ATL2: variants seen among roughly 807,000 people sequenced by gnomAD.
ATL2 encodes the protein atlastin-2.
A neutral mutation model predicts 73.9 loss-of-function variants in ATL2; 31 were observed. The ratio of observed to expected loss-of-function variants is 0.42; its 90% confidence interval spans 0.32 to 0.57. The LOEUF is 0.57. Ranked by LOEUF, ATL2 falls within the 20% of genes least tolerant of loss-of-function variation. The probability of loss-of-function intolerance (pLI) is 0.14; values close to 1 mark genes in which losing one functional copy is unlikely to be tolerated. For missense variants in ATL2, 738 were observed against 702.6 expected, an observed-to-expected ratio of 1.05 and a Z score of -0.57; for synonymous variants, 291 against 237.5, an observed-to-expected ratio of 1.23 and a Z score of -2.07.
intron 5 of ATL2, among the ~76,000 whole-genome samples, chr2:38,314,991 C>T (rs540353553): frequency 1.3e-5 from 2 of 152,318 alleles, no homozygotes; most frequent in African/African-American, 2.4e-5. Flanking sequence ...CGGCTCACGC[C>T]GGGTAATCCC....
At chr2:38,318,735 C>A in intron 3 of ATL2, 96 bp from the exon 4 acceptor site, 2 of 1,326,588 alleles carry the variant, frequency 1.5e-6, no homozygotes, top group Non-Finnish European at 2.1e-6. Context: ...GTAATTAAAT[C>A]AAGAAAAGTA....
rs1285492902 is a variant in ATL2, at chr2:38,325,623, TACATACACAC to T, written c.364-6614_364-6605del. ...TAACCACTATCTACACACACACCAG[TACATACACAC>T]ACACACACACACACACACACACACC... On this transcript the variant is annotated intron_variant, in intron 2 of 12. Transcript: ENST00000378954. 2.0e-4 allele frequency among the ~76,000 whole-genome samples: 19 copies of T among 93,406 alleles called. 1 individual carries two copies. The highest frequency in any genetic ancestry group is 1.1e-3 in the South Asian group (3 of 2,834). The allele number at this position is 93,406 out of a possible 152,430, so 61.3% of individuals were successfully genotyped here.
At chr2:38,347,813 C>A (rs1373064527) in intron 1 of ATL2, among the ~76,000 whole-genome samples, 1 of 145,066 alleles carries the variant, frequency 6.9e-6, no homozygotes, top group African/African-American at 2.6e-5. Flanking sequence ...GTCACCCAGG[C>A]TGGAGTGCAG....
intron 10 of ATL2, 60 bp downstream of exon 10, chr2:38,300,212 T>C: frequency 7.1e-7 from 1 of 1,406,538 alleles, no homozygotes; most frequent in Non-Finnish European, 9.8e-7. Context: ...AAAGCAAAGA[T>C]TTTTATTCTC....
At position 38,313,253 on chromosome 2, in the gene ATL2, GA is replaced by G; in HGVS notation, c.712-11del. 1 of 1,563,616 alleles carries G rather than the reference GA, an allele frequency of 6.4e-7. No individual in the cohort carries two copies. Among genetic ancestry groups the G allele is most frequent in the Non-Finnish European group, 8.7e-7 (1 of 1,153,876 alleles). On this transcript the variant is annotated splice_polypyrimidine_tract_variant and intron_variant, in intron 6 of 12. Coordinates refer to ENST00000378954, the MANE Select transcript of ATL2 (RefSeq NM_001135673.4). ...TCAAAAACATTAATGTCTATACACA[GA>G]AAAAATAAAAATTGTTTATTTTACA...
At chr2:38,339,545 T>A (rs906635126) in intron 2 of ATL2, among the ~76,000 whole-genome samples, 5 of 152,084 alleles carry the variant, frequency 3.3e-5, no homozygotes, top group Non-Finnish European at 7.4e-5. Context: ...TAAAAAAATA[T>A]GACCTCTAAT....
chr2:38,299,173 A>T, intron 11 of ATL2, 83 bp downstream of exon 11: 11 of 1,312,278 alleles, frequency 8.4e-6, no homozygotes, highest in Non-Finnish European at 1.1e-5. Flanking sequence ...TCGCTCAATT[A>T]TTTAAAAAAT....
intron 9 of ATL2, among the ~76,000 whole-genome samples, chr2:38,301,629 C>T (rs529861937): frequency 6.6e-6 from 1 of 152,200 alleles, no homozygotes; most frequent in African/African-American, 2.4e-5. Flanking sequence ...CGCTGCCCTG[C>T]CACAGTGGAA....
intron 2 of ATL2, among the ~76,000 whole-genome samples, chr2:38,334,277 G>C (rs957130904): frequency 3.3e-5 from 5 of 151,706 alleles, no homozygotes; most frequent in Admixed American, 2.0e-4. Context: ...CAGTCGACTT[G>C]CCTCGGCCTC....
chr2:38,352,490 G>A (rs1182447998), intron 1 of ATL2, among the ~76,000 whole-genome samples: 1 of 152,164 alleles, frequency 6.6e-6, no homozygotes, highest in Non-Finnish European at 1.5e-5. Flanking sequence ...ATTCAAGATT[G>A]CTAGAGCAGT....
At chr2:38,376,159 T>C (rs960546351) in intron 1 of ATL2, 15 of 1,531,998 alleles carry the variant, frequency 9.8e-6, no homozygotes, top group African/African-American at 9.7e-5. Flanking sequence ...GAAAAAACTT[T>C]ATGCCTTTCT....
rs1667850606 is a variant in ATL2 at position 38,313,177 on chromosome 2, T to C, written c.778A>G (p.Lys260Glu). ...TGTAATCTCTTTTCAAGAAATTGCTTTCCACCTTCCAAACCATATGAATGT... is the reference window on the plus strand; with the variant it reads ...TGTAATCTCTTTTCAAGAAATTGCTCTCCACCTTCCAAACCATATGAATGT... ...YEHSYGLEGG[K>E]QFLEKRLQVK... The change falls in exon 7 of 13, where the codon AAG becomes GAG. Residue 260 changes from lysine to glutamate, a missense_variant. Physicochemically the swap from Lys to Glu is moderately conservative, Grantham distance 56. Transcript: ENST00000378954. 4 of 1,613,444 alleles carry C rather than the reference T, an allele frequency of 2.5e-6. No individual in the cohort carries two copies. The South Asian group carries it at 3.3e-5, about 13-fold the overall frequency.
rs546581854 is a variant in ATL2, at chr2:38,344,562, A to T, written c.119-1050T>A. On this transcript the variant is annotated intron_variant, in intron 1 of 12. Coordinates refer to ENST00000378954, the MANE Select transcript of ATL2 (RefSeq NM_001135673.4). The stretch of plus-strand genomic sequence containing the variant: ...GAGGCAGAGGTTGCAGTGAGCTGAG[A>T]TTGCACCACTGCATTCCAGCCTGGG... Among the ~76,000 whole-genome samples, 38 of 152,300 alleles carry T rather than the reference A, an allele frequency of 2.5e-4. No individual in the cohort carries two copies. In the South Asian group the frequency reaches 7.5e-3, roughly 30 times the overall value.
intron 1 of ATL2, among the ~76,000 whole-genome samples, chr2:38,365,176 C>CACACACACACAAAT (rs1558456811): frequency 3.6e-5 from 5 of 138,352 alleles, no homozygotes; most frequent in African/African-American, 1.7e-4. Context: ...AATACACACA[C>CACACACACACAAAT]ACACACACAC....
intron 1 of ATL2, among the ~76,000 whole-genome samples, chr2:38,369,031 A>G (rs984053932): frequency 2.0e-5 from 3 of 152,220 alleles, no homozygotes; most frequent in Non-Finnish European, 2.9e-5. Context: ...ATTTTTACCT[A>G]TATGTTGGCA....
Position 38,325,699 on chromosome 2 carries a change from TACACACACACACACACACAC to T in ATL2, c.364-6700_364-6681del, listed in dbSNP as rs1221635411. Among the ~76,000 whole-genome samples, 15 of 11,316 alleles carry T rather than the reference TACACACACACACACACACAC, an allele frequency of 1.3e-3. 1 individual carries two copies. The South Asian group carries it at 0.014, about 11-fold the overall frequency. The allele number at this position is 11,316 out of a possible 152,430, so 7.4% of individuals were successfully genotyped here. ...ACACACACACACACACACACACCAG[TACACACACACACACACACAC>T]ACACACACACACACACACACACACA... On this transcript the variant is annotated intron_variant, in intron 2 of 12. Coordinates refer to ENST00000378954, the MANE Select transcript of ATL2 (RefSeq NM_001135673.4).
In ATL2 at chr2:38,315,287, C is replaced by G. The variant is rs769296037; in HGVS notation, c.651G>C (p.Leu217Phe). The change falls in exon 5 of 13, where the codon TTG becomes TTC. Residue 217 changes from leucine (L) to phenylalanine (F), a missense_variant. Physicochemically the swap from Leu to Phe is conservative, Grantham distance 22. Coordinates refer to ENST00000378954, the MANE Select transcript of ATL2 (RefSeq NM_001135673.4). ...AATTAAAAAAAGAAATACGTACTTG[C>G]AAATGTTGAAGATCATCTTCTTGAA... ...QNIQEDDLQHLQLFTEYGRLA... is the reference protein window; with the variant it reads ...QNIQEDDLQHFQLFTEYGRLA... 10 of 1,486,276 alleles carry G rather than the reference C, an allele frequency of 6.7e-6. No individual in the cohort carries two copies. Among genetic ancestry groups the G allele is most frequent in the Non-Finnish European group, 8.9e-7 (1 of 1,127,148 alleles). 92.1% of individuals were successfully genotyped at this position (1,486,276 alleles called of 1,614,324 possible).
At position 38,315,479 on chromosome 2, in the gene ATL2, G is replaced by C; in HGVS notation, c.604-145C>G. 3.7e-6 allele frequency: 3 copies of C among 815,222 alleles called. No homozygotes were observed. The South Asian group carries it at 5.9e-5, about 16-fold the overall frequency. 50.5% of individuals were successfully genotyped at this position (815,222 alleles called of 1,614,324 possible). ...ACTACTATCTTGACAACTGACATGTGAAAAGGATTTTCTCTTTTTTCCTAA... is the reference window on the plus strand; with the variant it reads ...ACTACTATCTTGACAACTGACATGTCAAAAGGATTTTCTCTTTTTTCCTAA... On this transcript the variant is annotated intron_variant, in intron 4 of 12. Transcript: ENST00000378954.
At chr2:38,349,530 G>C (rs565417525) in intron 1 of ATL2, among the ~76,000 whole-genome samples, 3 of 106,558 alleles carry the variant, frequency 2.8e-5, no homozygotes, top group African/African-American at 1.1e-4. Flanking sequence ...TTGTGGGGTG[G>C]GGGGAGGGGG....
Sources: gnomAD v4.1 joint callset for allele counts (sites outside exome capture counted in the v4.1 genomes callset) on GRCh38, gnomAD v4.1.1 for gene constraint, MANE v1.5 for transcripts, NCBI Gene and HGNC (gene_info 2026-07-23, HGNC 2026-07-21) for gene names.